Variants in KCTD8 observed in about 807,000 individuals in gnomAD.
The protein encoded by KCTD8 is potassium channel tetramerization domain containing 8.
A neutral mutation model predicts 31.5 loss-of-function variants in KCTD8; 27 were observed. The observed-to-expected ratio is 0.86, with a 90% CI of 0.63 to 1.18. The LOEUF is 1.18. KCTD8 is among the 50% of genes most tolerant of loss of function. The pLI is 0.00. For missense variants in KCTD8, 658 were observed against 647.7 expected (o/e 1.02, Z -0.17); for synonymous variants, 290 against 280.0 (o/e 1.04, Z -0.36).
rs1371799835 is a variant in KCTD8, at chr4:44,425,415, ACAAAT to A, written c.961+22143_961+22147del. ...AGTGCTTACATTAAAATTAAATCTA[ACAAAT>A]CAGTTACTTTTTCATTTAATAAAAA... On this transcript the variant is annotated intron_variant, in intron 1 of 1. Coordinates refer to ENST00000360029, the MANE Select transcript of KCTD8 (RefSeq NM_198353.3). Among the ~76,000 whole-genome samples the A allele has an allele frequency of 5.9e-5, 9 of 152,190 alleles. No homozygotes were observed. In the East Asian group the frequency reaches 1.7e-3, roughly 29 times the overall value.
At chr4:44,391,604 A>T (rs1720375644) in intron 1 of KCTD8, among the ~76,000 whole-genome samples, 1 of 151,520 alleles carries the variant, frequency 6.6e-6, no homozygotes, top group African/African-American at 2.4e-5. Context: ...AATATATATA[A>T]AATACATATA....
intron 1 of KCTD8, among the ~76,000 whole-genome samples, chr4:44,244,847 TGGGG>T (rs58257678): frequency 4.3e-4 from 57 of 132,806 alleles, no homozygotes; most frequent in African/African-American, 1.4e-3. Context: ...CCTGTAGTTG[TGGGG>T]GGGGGGGGGT....
chr4:44,313,688 A>C (rs1216228496), intron 1 of KCTD8, among the ~76,000 whole-genome samples: 1 of 152,210 alleles, frequency 6.6e-6, no homozygotes. Flanking sequence ...TCTACAGTTT[A>C]CCAGGCACTA....
At chr4:44,288,226 T>C (rs1717160995) in intron 1 of KCTD8, among the ~76,000 whole-genome samples, 1 of 152,146 alleles carries the variant, frequency 6.6e-6, no homozygotes, top group Non-Finnish European at 1.5e-5. Flanking sequence ...GAGAAATGGC[T>C]GTAGAGTTCT....
chr4:44,308,665 T>C (rs1717871552), intron 1 of KCTD8, among the ~76,000 whole-genome samples: 2 of 152,100 alleles, frequency 1.3e-5, no homozygotes, highest in African/African-American at 4.8e-5. Flanking sequence ...TCACATCTTA[T>C]TTAAGGTTTA....
At chr4:44,213,694 C>T (rs188576727) in intron 1 of KCTD8, among the ~76,000 whole-genome samples, 74 of 152,116 alleles carry the variant, frequency 4.9e-4, no homozygotes, top group Non-Finnish European at 1.5e-4. Flanking sequence ...CTCTTTTATC[C>T]CTCGAATATC....
intron 1 of KCTD8, among the ~76,000 whole-genome samples, chr4:44,349,118 C>T (rs931484802): frequency 1.4e-5 from 2 of 148,112 alleles, no homozygotes; most frequent in South Asian, 4.6e-4. Context: ...CTATCATCAT[C>T]ATTTACCAAC....
Position 44,295,905 on chromosome 4 carries a change from C to G in KCTD8, c.962-120655G>C, listed in dbSNP as rs1018953079. The stretch of plus-strand genomic sequence containing the variant: ...CATATTAATTCACTTTCAGTAGCTT[C>G]TCTTTGTAAAATAGTTAACCTGGTC... On this transcript the variant is annotated intron_variant, in intron 1 of 1. Coordinates refer to ENST00000360029, the MANE Select transcript of KCTD8 (RefSeq NM_198353.3). Among the ~76,000 whole-genome samples the G allele has an allele frequency of 9.7e-4, 148 of 152,250 alleles. 2 individuals are homozygous for G. The highest frequency in any genetic ancestry group is 3.5e-3 in the African/African-American group (145 of 41,546).
At chr4:44,215,438 C>G (rs576563110) in intron 1 of KCTD8, among the ~76,000 whole-genome samples, 24 of 152,048 alleles carry the variant, frequency 1.6e-4, no homozygotes, top group Non-Finnish European at 3.4e-4. Context: ...TCTTAGTTGA[C>G]CTCAGGATTG....
At chr4:44,303,366 GT>G (rs1440815176) in intron 1 of KCTD8, among the ~76,000 whole-genome samples, 1 of 151,910 alleles carries the variant, frequency 6.6e-6, no homozygotes, top group African/African-American at 2.4e-5. Flanking sequence ...TTTTTGGTTG[GT>G]AAGCTATTGA....
chr4:44,244,698 TC>T (rs1715601168), intron 1 of KCTD8, among the ~76,000 whole-genome samples: 1 of 152,048 alleles, frequency 6.6e-6, no homozygotes, highest in Non-Finnish European at 1.5e-5. Flanking sequence ...TCCAAAGGGG[TC>T]CTGTTCCATA....
chr4:44,235,076 A>T (rs372506108), intron 1 of KCTD8, among the ~76,000 whole-genome samples: 32 of 152,090 alleles, frequency 2.1e-4, no homozygotes, highest in East Asian at 7.8e-4. Flanking sequence ...ATAAGTAATC[A>T]ACATTAACCA....
intron 1 of KCTD8, among the ~76,000 whole-genome samples, chr4:44,363,993 C>T (rs1719566377): frequency 6.6e-6 from 1 of 151,934 alleles, no homozygotes; most frequent in Admixed American, 6.6e-5. Flanking sequence ...AAAATTCCTA[C>T]AAGATAATAA....
intron 1 of KCTD8, among the ~76,000 whole-genome samples, chr4:44,327,285 C>G (rs7672318): frequency 0.91 from 137,654 of 151,730 alleles, 62,658 homozygotes; most frequent in East Asian, 1. Flanking sequence ...AGTCAGGTTT[C>G]GATCTGTCCG....
At chr4:44,385,672 T>C (rs1050340501) in intron 1 of KCTD8, among the ~76,000 whole-genome samples, 20 of 151,532 alleles carry the variant, frequency 1.3e-4, no homozygotes, top group African/African-American at 4.6e-4. Context: ...CAAAAGCACA[T>C]GCGAAAACAG....
At chr4:44,346,110 G>A (rs1432037957) in intron 1 of KCTD8, among the ~76,000 whole-genome samples, 1 of 152,100 alleles carries the variant, frequency 6.6e-6, no homozygotes, top group Non-Finnish European at 1.5e-5. Context: ...TTGAATAGCT[G>A]ATCAGACTTA....
chr4:44,432,958 A>G (rs1478222794), intron 1 of KCTD8, among the ~76,000 whole-genome samples: 1 of 151,538 alleles, frequency 6.6e-6, no homozygotes, highest in Non-Finnish European at 1.5e-5. Flanking sequence ...TGTTACTTCT[A>G]ATGTCTGACT....
intron 1 of KCTD8, among the ~76,000 whole-genome samples, chr4:44,342,072 A>G (rs1560430940): frequency 1.3e-5 from 2 of 152,094 alleles, no homozygotes; most frequent in Admixed American, 6.6e-5. Context: ...AGTAAGCAGT[A>G]ATATTTTGAA....
In KCTD8 at chr4:44,175,854, G is replaced by A. The variant is rs1713198597; in HGVS notation, c.962-604C>T. ...TACTTCCTAGAGGAAAATTGTGAAA[G>A]TGCTATAAGATATATAGGGGCCTAA... On this transcript the variant is annotated intron_variant, in intron 1 of 1. Transcript: ENST00000360029. Among the ~76,000 whole-genome samples, 3 of 152,180 alleles carry A rather than the reference G, an allele frequency of 2.0e-5. No homozygotes were observed. In the South Asian group the frequency reaches 6.2e-4, roughly 31 times the overall value.
Sources: gnomAD v4.1 joint callset for allele counts (sites outside exome capture counted in the v4.1 genomes callset) on GRCh38, gnomAD v4.1.1 for gene constraint, MANE v1.5 for transcripts, NCBI Gene and HGNC (gene_info 2026-07-23, HGNC 2026-07-21) for gene names.